Variants in ALKBH3 observed in about 807,000 individuals in gnomAD.
ALKBH3 encodes alkB homolog 3, alpha-ketoglutarate dependent dioxygenase.
ALKBH3 carries 51 observed loss-of-function variants against 43.9 expected under a neutral mutation model. The observed-to-expected ratio is 1.16, with a 90% CI of 0.93 to 1.47. The LOEUF (loss-of-function observed/expected upper bound fraction) is 1.47. ALKBH3 is among the 40% of genes most tolerant of loss of function. ALKBH3 has a pLI of 0.00. For missense variants in ALKBH3, 361 were observed against 351.9 expected, an observed-to-expected ratio of 1.03 and a Z score of -0.21; for synonymous variants, 102 against 115.2, an observed-to-expected ratio of 0.89 and a Z score of 0.73.
intron 8 of ALKBH3, among the ~76,000 whole-genome samples, chr11:43,904,399 G>A (rs939991244): frequency 3.9e-5 from 6 of 152,178 alleles, no homozygotes; most frequent in South Asian, 2.1e-4. Flanking sequence ...ATTTCATGCA[G>A]TTTTTGTATA....
chr11:43,912,680 A>G (rs1358728618), intron 8 of ALKBH3, among the ~76,000 whole-genome samples: 4 of 152,200 alleles, frequency 2.6e-5, no homozygotes, highest in Non-Finnish European at 5.9e-5. Context: ...TTTTGCTTTG[A>G]ATGACTTTTT....
Position 43,882,736 on chromosome 11 carries a change from G to A in ALKBH3, c.79+5G>A, listed in dbSNP as rs377089877. ...GCCAGGCCATTGCTCAGCCAGGCAA[G>A]AATCTGTAGGGATTTTGTGTGTGTG... On this transcript the variant is annotated splice_donor_5th_base_variant and intron_variant, in intron 2 of 9. Coordinates refer to ENST00000302708, the MANE Select transcript of ALKBH3 (RefSeq NM_139178.4). 1.8e-4 allele frequency: 295 copies of A among 1,609,904 alleles called. 2 individuals carry two copies. The highest frequency in any genetic ancestry group is 9.9e-4 in the South Asian group (89 of 90,338).
chr11:43,916,679 A>G (rs935019281), intron 8 of ALKBH3: 1 of 152,172 alleles, frequency 6.6e-6, no homozygotes, highest in Non-Finnish European at 1.5e-5. Flanking sequence ...CTGTGTTTCC[A>G]CTGTTGCTTA....
Position 43,910,640 on chromosome 11 carries a change from C to T in ALKBH3, c.670-8398C>T, listed in dbSNP as rs138161464. The T allele has an allele frequency of 7.0e-4, 107 of 152,346 alleles. 1 individual carries two copies. The highest frequency in any genetic ancestry group is 2.5e-3 in the African/African-American group (104 of 41,590). The allele number at this position is 152,346 out of a possible 1,614,324, so 9.4% of individuals were successfully genotyped here. On this transcript the variant is annotated intron_variant, in intron 8 of 9. Coordinates refer to ENST00000302708, the MANE Select transcript of ALKBH3 (RefSeq NM_139178.4). Reference sequence around the variant, plus strand: ...GGTTAACACCGTAAGTTATTTTCAGCTCTTCCTTGTTCCTTTGTTTCTCAT... The same window carrying T: ...GGTTAACACCGTAAGTTATTTTCAGTTCTTCCTTGTTCCTTTGTTTCTCAT...
Position 43,919,031 on chromosome 11 carries a change from T to C in ALKBH3, c.670-7T>C. 6.3e-7 allele frequency: 1 copy of C among 1,595,420 alleles called. No individual in the cohort carries two copies. Among genetic ancestry groups the C allele is most frequent in the South Asian group, 1.1e-5 (1 of 90,582 alleles). On this transcript the variant is annotated splice_polypyrimidine_tract_variant and splice_region_variant and intron_variant, in intron 8 of 9. Transcript: ENST00000302708. The stretch of plus-strand genomic sequence containing the variant: ...AAACATTTATTACAACAAATGCTGT[T>C]TTCTAGGAAGAGAATGGAGACTACA...
In ALKBH3 at chr11:43,901,578, C is replaced by T. The variant is rs776256651; in HGVS notation, c.522C>T (p.Asn174=). The change falls in exon 8 of 10, where the codon AAC becomes AAT. Residue 174 remains asparagine (N), a synonymous_variant. Coordinates refer to ENST00000302708, the MANE Select transcript of ALKBH3 (RefSeq NM_139178.4). ...RIEENTGHTF[N]SLLCNLYRNE... ...AAGAGAACACTGGCCACACCTTCAA[C>T]TCCTTACTCTGCAATCTTTATCGCA... is the stretch of plus-strand genomic sequence containing the variant. 3 of 1,614,130 alleles carry T rather than the reference C, an allele frequency of 1.9e-6. No individual in the cohort carries two copies. The African/African-American group carries it at 4.0e-5, about 22-fold the overall frequency.
At chr11:43,918,946 A>G (rs776162721) in intron 8 of ALKBH3, 92 bp from the exon 9 acceptor site, 9 of 978,284 alleles carry the variant, frequency 9.2e-6, no homozygotes, top group Non-Finnish European at 1.4e-5. Context: ...CTGGCTGAGC[A>G]GAGGTTTCCA....
intron 9 of ALKBH3, 146 bp downstream of exon 9, chr11:43,919,282 T>A (rs1952008311): frequency 1.4e-6 from 1 of 699,488 alleles, no homozygotes; most frequent in Non-Finnish European, 2.4e-6. Flanking sequence ...CCAAGGAGTT[T>A]TGCTACTACT....
rs540259294 is a variant in ALKBH3, at chr11:43,889,531, A to G, written c.267-194A>G. On this transcript the variant is annotated intron_variant, in intron 5 of 9. Transcript: ENST00000302708. The stretch of plus-strand genomic sequence containing the variant: ...CATTGCCTCTTTTATTTGTCCCAAC[A>G]TGAAAGGAGTTTATTTTATATCTGG... Among the ~76,000 whole-genome samples the G allele has an allele frequency of 4.6e-5, 7 of 152,308 alleles. No individual in the cohort carries two copies. In the South Asian group the frequency reaches 8.3e-4, roughly 18 times the overall value.
chr11:43,898,494 G>T, intron 7 of ALKBH3: 1 of 948,586 alleles, frequency 1.1e-6, no homozygotes, highest in South Asian at 1.3e-5. Context: ...ACGGCTTGGT[G>T]AGAGCACTCG....
chr11:43,907,693 G>T (rs1951905720), intron 8 of ALKBH3, among the ~76,000 whole-genome samples: 1 of 152,152 alleles, frequency 6.6e-6, no homozygotes, highest in Admixed American at 6.5e-5. Flanking sequence ...TGTGTTTCAG[G>T]AAGGGAAAGG....
intron 7 of ALKBH3, among the ~76,000 whole-genome samples, chr11:43,900,874 G>GT (rs1951859018): frequency 6.6e-6 from 1 of 152,176 alleles, no homozygotes; most frequent in African/African-American, 2.4e-5. Flanking sequence ...CGTGGAACCT[G>GT]TTTAAGTCTT....
chr11:43,891,489 G>A (rs1459369856), intron 6 of ALKBH3, among the ~76,000 whole-genome samples: 1 of 152,068 alleles, frequency 6.6e-6, no homozygotes, highest in Non-Finnish European at 1.5e-5. Flanking sequence ...CCAGTTATGG[G>A]AAAAAGAGTA....
chr11:43,903,448 C>CTGG (rs1951875977), intron 8 of ALKBH3, among the ~76,000 whole-genome samples: 1 of 152,190 alleles, frequency 6.6e-6, no homozygotes, highest in Non-Finnish European at 1.5e-5. Context: ...TCTTCTCAAG[C>CTGG]CGGATGTATG....
rs1489895717 is a variant in ALKBH3, at chr11:43,919,079, A to T, written c.711A>T (p.Ile237=). ...GDYTYVERVK[I]PLDHGTLLIM... Reference sequence around the variant, plus strand: ...ACACATATGTGGAAAGAGTGAAGATACCCTTGGATCATGGGACCTTGTTAA... The same window carrying T: ...ACACATATGTGGAAAGAGTGAAGATTCCCTTGGATCATGGGACCTTGTTAA... The change falls in exon 9 of 10, where the codon ATA becomes ATT. Residue 237 remains isoleucine (I), a synonymous_variant. Transcript: ENST00000302708. 13 of 1,613,146 alleles carry T rather than the reference A, an allele frequency of 8.1e-6. No individual in the cohort carries two copies. Among genetic ancestry groups the T allele is most frequent in the Non-Finnish European group, 9.3e-6 (11 of 1,179,284 alleles).
chr11:43,915,467 T>A (rs1951976157), intron 8 of ALKBH3, among the ~76,000 whole-genome samples: 1 of 152,166 alleles, frequency 6.6e-6, no homozygotes, highest in Non-Finnish European at 1.5e-5. Flanking sequence ...GAATATATCC[T>A]AGAAATATAT....
chr11:43,883,556 G>T (rs1951728360), intron 3 of ALKBH3, among the ~76,000 whole-genome samples: 1 of 152,114 alleles, frequency 6.6e-6, no homozygotes, highest in Non-Finnish European at 1.5e-5. Flanking sequence ...TAAAATGCCT[G>T]ATTTTTAGCC....
intron 8 of ALKBH3, among the ~76,000 whole-genome samples, chr11:43,903,602 C>T (rs117676517): frequency 0.01 from 1,528 of 152,190 alleles, 22 homozygotes; most frequent in Middle Eastern, 0.017. Context: ...CTTCTGGCCT[C>T]CTGATTGGCA....
chr11:43,907,201 G>A (rs924108267), intron 8 of ALKBH3, among the ~76,000 whole-genome samples: 9 of 149,706 alleles, frequency 6.0e-5, no homozygotes, highest in African/African-American at 2.2e-4. Context: ...AGGGTGAGTA[G>A]AGAGAGAGAG....
Sources: gnomAD v4.1 joint callset for allele counts (sites outside exome capture counted in the v4.1 genomes callset) on GRCh38, gnomAD v4.1.1 for gene constraint, MANE v1.5 for transcripts, NCBI Gene and HGNC (gene_info 2026-07-23, HGNC 2026-07-21) for gene names.